SUGCT: variants seen among roughly 807,000 people sequenced by gnomAD.
The protein encoded by SUGCT is succinyl-CoA:glutarate CoA-transferase.
In SUGCT, 41 loss-of-function variants were observed where a neutral mutation model predicts 55.0. That is an observed-to-expected ratio of 0.74 (90% CI 0.58 to 0.97). SUGCT has a LOEUF of 0.97. Among genes scored for constraint, SUGCT ranks in the 50% least tolerant of loss-of-function variants. The pLI is 0.00. For synonymous variants in SUGCT, 187 were observed against 200.4 expected (o/e 0.93, Z 0.56); for missense variants, 568 against 547.8 (o/e 1.04, Z -0.37).
intron 7 of SUGCT, among the ~76,000 whole-genome samples, chr7:40,258,881 C>T (rs909474174): frequency 2.6e-5 from 4 of 152,158 alleles, no homozygotes; most frequent in Non-Finnish European, 5.9e-5. Context: ...GATATGTGCA[C>T]TCCTATGTTC....
chr7:40,207,016 T>C (rs941420936), intron 6 of SUGCT, among the ~76,000 whole-genome samples: 3 of 151,698 alleles, frequency 2.0e-5, no homozygotes, highest in Non-Finnish European at 4.4e-5. Context: ...CTGGGCAACA[T>C]AGTGAGACTC....
rs199746270 is a variant in SUGCT, at chr7:40,769,384, A to G, written c.1153+19887A>G. Among the ~76,000 whole-genome samples the G allele has an allele frequency of 2.6e-5, 4 of 152,322 alleles. No homozygotes were observed. The East Asian group carries it at 7.7e-4, about 29-fold the overall frequency. ...TTAATCCCTGGAACTTGTGAATGCT[A>G]TCATATATGACAAAAGGAACTTTGC... On this transcript the variant is annotated intron_variant, in intron 13 of 13. Transcript: ENST00000335693.
intron 13 of SUGCT, among the ~76,000 whole-genome samples, chr7:40,809,223 T>G (rs1584472113): frequency 6.6e-6 from 1 of 152,190 alleles, no homozygotes; most frequent in Non-Finnish European, 1.5e-5. Flanking sequence ...GTGAAGTGCT[T>G]AATACTACCT....
At chr7:40,364,335 G>A (rs375723242) in intron 9 of SUGCT, among the ~76,000 whole-genome samples, 4 of 151,656 alleles carry the variant, frequency 2.6e-5, no homozygotes, top group Non-Finnish European at 5.9e-5. Context: ...ATATTGTTAT[G>A]TGTGAATTTG....
At chr7:40,638,430 C>A (rs1800115924) in intron 12 of SUGCT, among the ~76,000 whole-genome samples, 1 of 152,090 alleles carries the variant, frequency 6.6e-6, no homozygotes, top group South Asian at 2.1e-4. Flanking sequence ...GGTCATCTAT[C>A]CTGTGCATAT....
intron 11 of SUGCT, 67 bp downstream of exon 11, chr7:40,459,265 A>G (rs1323127227): frequency 4.7e-6 from 5 of 1,066,508 alleles, no homozygotes; most frequent in Admixed American, 4.6e-5. Context: ...CTGGTGTTTT[A>G]TATGTTTTTT....
In SUGCT at chr7:40,334,531, T is replaced by A. The variant is rs569951656; in HGVS notation, c.816+17676T>A. On this transcript the variant is annotated intron_variant, in intron 9 of 13. Coordinates refer to ENST00000335693, the MANE Select transcript of SUGCT (RefSeq NM_001193313.2). ...TGCTGAGCATTTTTTCATGTGTCTA[T>A]TGGCTGCATAAATGTCTTCTTTTGA... Among the ~76,000 whole-genome samples, 3 of 152,360 alleles carry A rather than the reference T, an allele frequency of 2.0e-5. No homozygotes were observed. The South Asian group carries it at 6.2e-4, about 32-fold the overall frequency.
At chr7:40,145,125 TTTAAAA>T (rs1297642253) in intron 1 of SUGCT, among the ~76,000 whole-genome samples, 1 of 152,208 alleles carries the variant, frequency 6.6e-6, no homozygotes, top group African/African-American at 2.4e-5. Flanking sequence ...CAGAATTTTC[TTTAAAA>T]TTAATGTTTC....
intron 13 of SUGCT, among the ~76,000 whole-genome samples, chr7:40,851,737 T>C (rs1793864687): frequency 6.6e-6 from 1 of 152,244 alleles, no homozygotes; most frequent in African/African-American, 2.4e-5. Flanking sequence ...CATAGATATT[T>C]GTCTGTTGAA....
intron 9 of SUGCT, among the ~76,000 whole-genome samples, chr7:40,390,981 A>G (rs1394729779): frequency 6.6e-6 from 1 of 152,190 alleles, no homozygotes; most frequent in African/African-American, 2.4e-5. Flanking sequence ...ACAATACCAC[A>G]CATCTACAAC....
intron 9 of SUGCT, among the ~76,000 whole-genome samples, chr7:40,423,938 AT>A (rs1471806409): frequency 6.6e-6 from 1 of 151,974 alleles, no homozygotes; most frequent in Admixed American, 6.6e-5. Context: ...AGTTTTTCTA[AT>A]TTTTTTGACA....
chr7:40,250,828 CTTTTTTTTT>C (rs67372014), intron 7 of SUGCT, among the ~76,000 whole-genome samples: 1 of 121,266 alleles, frequency 8.2e-6, no homozygotes, highest in African/African-American at 3.7e-5. Flanking sequence ...TTTCACGCTT[CTTTTTTTTT>C]TTTTTTTTTT....
chr7:40,893,248 C>T, the SUGCT span, among the ~76,000 whole-genome samples: 263 of 152,202 alleles, frequency 1.7e-3, no homozygotes, highest in Non-Finnish European at 3.0e-3. Context: ...ACCCCACTCT[C>T]AACAATGAAT....
intron 1 of SUGCT, among the ~76,000 whole-genome samples, chr7:40,165,293 T>C (rs1784364915): frequency 6.6e-6 from 1 of 152,154 alleles, no homozygotes; most frequent in Admixed American, 6.6e-5. Context: ...AGGGATGCCA[T>C]GATTCCTGTC....
intron 9 of SUGCT, among the ~76,000 whole-genome samples, chr7:40,402,970 A>G (rs1477863708): frequency 6.6e-6 from 1 of 152,188 alleles, no homozygotes; most frequent in Non-Finnish European, 1.5e-5. Context: ...CACTTCACTT[A>G]ATTTCCAATA....
intron 8 of SUGCT, among the ~76,000 whole-genome samples, chr7:40,279,815 C>T (rs530939189): frequency 2.6e-5 from 4 of 151,856 alleles, no homozygotes; most frequent in Non-Finnish European, 4.4e-5. Context: ...AGGTACTTTT[C>T]AAAAAAGCGT....
chr7:40,999,759 CT>C, the SUGCT span, among the ~76,000 whole-genome samples: 1 of 152,162 alleles, frequency 6.6e-6, no homozygotes, highest in Admixed American at 6.5e-5. Flanking sequence ...GGACTTTTAC[CT>C]TTCCAGAACA....
At chr7:40,197,541 T>G (rs1786359510) in intron 6 of SUGCT, among the ~76,000 whole-genome samples, 1 of 152,232 alleles carries the variant, frequency 6.6e-6, no homozygotes, top group South Asian at 2.1e-4. Flanking sequence ...ATGCTCTGCA[T>G]GTCTGTTATC....
chr7:40,406,557 T>G (rs1417432702), intron 9 of SUGCT, among the ~76,000 whole-genome samples: 1 of 152,200 alleles, frequency 6.6e-6, no homozygotes, highest in Non-Finnish European at 1.5e-5. Context: ...AGGTCAGATT[T>G]CTTTCACTTT....
Sources: gnomAD v4.1 joint callset for allele counts (sites outside exome capture counted in the v4.1 genomes callset) on GRCh38, gnomAD v4.1.1 for gene constraint, MANE v1.5 for transcripts, NCBI Gene and HGNC (gene_info 2026-07-23, HGNC 2026-07-21) for gene names.